Variants in PDE11A observed in about 807,000 individuals in gnomAD.
PDE11A encodes dual 3',5'-cyclic-AMP and -GMP phosphodiesterase 11A.
In PDE11A, 100 loss-of-function variants were observed where a neutral mutation model predicts 100.5. The observed-to-expected ratio is 1.00, with a 90% CI of 0.85 to 1.18. The LOEUF (loss-of-function observed/expected upper bound fraction) is 1.18. Among genes scored for constraint, PDE11A ranks in the 50% most tolerant of loss-of-function variants. PDE11A has a pLI of 0.00. For synonymous variants in PDE11A, 381 were observed against 420.8 expected, an observed-to-expected ratio of 0.91 and a Z score of 1.16; for missense variants, 1,141 against 1,152.6, an observed-to-expected ratio of 0.99 and a Z score of 0.15.
chr2:178,030,902 T>C (rs1352104597), intron 1 of PDE11A, among the ~76,000 whole-genome samples: 1 of 152,044 alleles, frequency 6.6e-6, no homozygotes, highest in Non-Finnish European at 1.5e-5. Context: ...GTCTTGCTTA[T>C]GAATGGATAT....
intron 2 of PDE11A, among the ~76,000 whole-genome samples, chr2:177,908,840 T>C (rs2084831638): frequency 6.6e-6 from 1 of 152,228 alleles, no homozygotes; most frequent in Non-Finnish European, 1.5e-5. Flanking sequence ...TCCAATCTTG[T>C]TTCTGTTAAA....
At chr2:177,655,961 C>T (rs2080376714) in intron 19 of PDE11A, among the ~76,000 whole-genome samples, 1 of 152,156 alleles carries the variant, frequency 6.6e-6, no homozygotes, top group South Asian at 2.1e-4. Flanking sequence ...TCTGGCAATG[C>T]TGGATAAAAG....
intron 16 of PDE11A, among the ~76,000 whole-genome samples, chr2:177,679,105 C>A (rs1231052729): frequency 2.4e-5 from 3 of 122,816 alleles, no homozygotes; most frequent in Non-Finnish European, 5.1e-5. Flanking sequence ...GAGAGGCCAA[C>A]ACAATTAGGG....
chr2:177,969,641 T>C (rs1295673278), intron 2 of PDE11A, among the ~76,000 whole-genome samples: 1 of 151,796 alleles, frequency 6.6e-6, no homozygotes, highest in Non-Finnish European at 1.5e-5. Flanking sequence ...TAAGTAAGCC[T>C]CTCCCTATAA....
At chr2:177,998,811 C>G (rs1381721542) in intron 2 of PDE11A, 1 of 677,610 alleles carries the variant, frequency 1.5e-6, no homozygotes, top group African/African-American at 1.8e-5. Flanking sequence ...CTATCTTCAT[C>G]CTTGCCGGCA....
At chr2:177,853,529 T>C (rs1443884496) in intron 5 of PDE11A, among the ~76,000 whole-genome samples, 1 of 150,290 alleles carries the variant, frequency 6.7e-6, no homozygotes, top group Non-Finnish European at 1.5e-5. Flanking sequence ...GTCAGGATTC[T>C]ATCCTGCTGG....
intron 10 of PDE11A, among the ~76,000 whole-genome samples, chr2:177,759,764 A>G (rs1273444322): frequency 6.6e-6 from 1 of 152,220 alleles, no homozygotes. Context: ...CTAAAACCCC[A>G]GGGCAAAAAG....
intron 5 of PDE11A, among the ~76,000 whole-genome samples, chr2:177,856,967 T>C (rs1378411561): frequency 6.6e-6 from 1 of 151,952 alleles, no homozygotes; most frequent in Non-Finnish European, 1.5e-5. Context: ...AAACTACAAG[T>C]AGGATAAACT....
At chr2:177,872,196 A>G (rs1208175755) in intron 5 of PDE11A, among the ~76,000 whole-genome samples, 3 of 152,230 alleles carry the variant, frequency 2.0e-5, no homozygotes, top group Admixed American at 1.3e-4. Context: ...TGACTGTTGA[A>G]GGAAGGAATA....
intron 2 of PDE11A, among the ~76,000 whole-genome samples, chr2:177,965,201 T>A (rs1160923161): frequency 1.3e-5 from 2 of 151,944 alleles, no homozygotes; most frequent in African/African-American, 4.8e-5. Context: ...CCTCTGCTCA[T>A]TTTTTAATGG....
At chr2:178,015,865 T>C (rs1354773998) in intron 1 of PDE11A, among the ~76,000 whole-genome samples, 2 of 152,146 alleles carry the variant, frequency 1.3e-5, no homozygotes, top group Non-Finnish European at 2.9e-5. Context: ...ATAAACTGGA[T>C]CCAGTCTGAT....
At chr2:177,905,602 T>TTGGCATA (rs1416443983) in intron 2 of PDE11A, among the ~76,000 whole-genome samples, 1 of 152,236 alleles carries the variant, frequency 6.6e-6, no homozygotes, top group African/African-American at 2.4e-5. Flanking sequence ...AATTCTTTCG[T>TTGGCATA]TGGCATATGG....
intron 2 of PDE11A, among the ~76,000 whole-genome samples, chr2:177,969,437 A>T (rs116112320): frequency 0.057 from 8,631 of 151,422 alleles, 398 homozygotes; most frequent in East Asian, 0.2. Context: ...GTAAAATAAT[A>T]AAAAAAAACT....
intron 19 of PDE11A, among the ~76,000 whole-genome samples, chr2:177,660,271 G>C (rs187772611): frequency 6.6e-5 from 10 of 151,938 alleles, no homozygotes; most frequent in Admixed American, 2.0e-4. Context: ...ATATAAGCCT[G>C]GCCTACATCC....
chr2:177,904,640 C>T (rs1056276490), intron 3 of PDE11A, among the ~76,000 whole-genome samples: 1 of 150,782 alleles, frequency 6.6e-6, no homozygotes, highest in Non-Finnish European at 1.5e-5. Context: ...CTGTGACCTC[C>T]GCCTCCTGGG....
chr2:177,704,544 G>A (rs538355416), intron 13 of PDE11A, among the ~76,000 whole-genome samples: 4 of 152,134 alleles, frequency 2.6e-5, no homozygotes, highest in African/African-American at 7.2e-5. Flanking sequence ...ACCACCAAGA[G>A]CCAAGTCTAC....
chr2:177,942,667 G>A (rs926799703), intron 2 of PDE11A, among the ~76,000 whole-genome samples: 2 of 152,084 alleles, frequency 1.3e-5, no homozygotes, highest in Non-Finnish European at 2.9e-5. Flanking sequence ...CTCTCAAAGT[G>A]CTGGGATTTA....
chr2:177,946,784 TGG>T (rs1486276799), intron 2 of PDE11A, among the ~76,000 whole-genome samples: 1 of 60,810 alleles, frequency 1.6e-5, no homozygotes, highest in African/African-American at 6.9e-5. Flanking sequence ...GGGAGGGAGG[TGG>T]GGGGGTCAGC....
At chr2:177,825,420 G>C (rs1285652161) in intron 6 of PDE11A, among the ~76,000 whole-genome samples, 2 of 152,190 alleles carry the variant, frequency 1.3e-5, no homozygotes, top group Non-Finnish European at 2.9e-5. Flanking sequence ...AAGGATGGCA[G>C]AGTGTGAGGA....
Sources: gnomAD v4.1 joint callset for allele counts (sites outside exome capture counted in the v4.1 genomes callset) on GRCh38, gnomAD v4.1.1 for gene constraint, MANE v1.5 for transcripts, NCBI Gene and HGNC (gene_info 2026-07-23, HGNC 2026-07-21) for gene names.